The following SMG6 variants were observed in gnomAD, a reference collection of about 807,000 sequenced individuals.
The protein encoded by SMG6 is telomerase-binding protein EST1A.
A neutral mutation model predicts 142.2 loss-of-function variants in SMG6; 66 were observed. The ratio of observed to expected loss-of-function variants is 0.46; its 90% confidence interval spans 0.38 to 0.57. The LOEUF is 0.57. SMG6 is among the 20% of genes least tolerant of loss of function. The pLI is 0.00. For missense variants in SMG6, 1,793 were observed against 1,832.0 expected, an observed-to-expected ratio of 0.98 and a Z score of 0.39; for synonymous variants, 779 against 702.4, an observed-to-expected ratio of 1.11 and a Z score of -1.72.
At position 2,065,588 on chromosome 17, in the gene SMG6, C is replaced by G. The variant is rs1430341362; in HGVS notation, c.3927G>C (p.Lys1309Asn). 3 of 1,614,022 alleles carry G rather than the reference C, an allele frequency of 1.9e-6. No homozygotes were observed. In the African/African-American group the frequency reaches 4.0e-5, roughly 22 times the overall value. The change falls in exon 17 of 19, where the codon AAG becomes AAC. Residue 1309 changes from lysine (K) to asparagine (N), a missense_variant. Transcript: ENST00000263073. ...ATCGCTGCTCGAGGAACTCGATGGA[C>G]TTGCGGGCCTTCTCTTGTACCACAC... ...YARVVQEKAR[K>N]SIEFLEQRFE...
At chr17:2,255,746 G>T (rs942774767) in intron 8 of SMG6, 11 of 197,506 alleles carry the variant, frequency 5.6e-5, no homozygotes, top group Non-Finnish European at 1.1e-4. Flanking sequence ...TAGAAAGGGG[G>T]GAAAGGTGGG....
intron 13 of SMG6, chr17:2,087,441 AG>A: frequency 8.8e-7 from 1 of 1,133,902 alleles, no homozygotes; most frequent in African/African-American, 1.6e-5. Context: ...TACACGGTCT[AG>A]GAGTGTTCTC....
At chr17:2,124,500 CAG>C (rs1447143728) in intron 13 of SMG6, among the ~76,000 whole-genome samples, 2 of 152,150 alleles carry the variant, frequency 1.3e-5, no homozygotes, top group Admixed American at 6.5e-5. Context: ...AGAGTCGTAA[CAG>C]AGTGTTTATA....
chr17:2,126,489 G>T (rs1362491666), intron 13 of SMG6, among the ~76,000 whole-genome samples: 1 of 152,094 alleles, frequency 6.6e-6, no homozygotes, highest in Non-Finnish European at 1.5e-5. Flanking sequence ...ACTTTGGGAG[G>T]CTGAGGCAGG....
Position 2,085,865 on chromosome 17 carries a change from T to C in SMG6, c.3394A>G (p.Lys1132Glu). ...AADCKRVTVL[K>E]YFLEALCGQE... ...CCACAAAGGGCTTCCAGAAAATACT[T>C]CAGCACTGTGACCCTTTTGCAGTCA... is the stretch of plus-strand genomic sequence containing the variant. The change falls in exon 14 of 19, where the codon AAG (lysine) becomes GAG (glutamate). Residue 1132 changes from lysine (K) to glutamate (E), a missense_variant. Around this residue, in one of 3 missense-constraint regions of SMG6, gnomAD observed 1,597 missense variants for 1,584.6 expected, o/e 1.01. Coordinates refer to ENST00000263073, the MANE Select transcript of SMG6 (RefSeq NM_017575.5). The surrounding 1 kb of genome is among the most constrained non-coding windows in gnomAD (Gnocchi z 4.1). The C allele has an allele frequency of 6.2e-7, 1 of 1,614,134 alleles. No homozygotes were observed. Among genetic ancestry groups the C allele is most frequent in the South Asian group, 1.1e-5 (1 of 91,082 alleles).
In SMG6 at chr17:2,242,477, C is replaced by T. The variant is rs190909387; in HGVS notation, c.2723+2181G>A. On this transcript the variant is annotated intron_variant, in intron 9 of 18. Transcript: ENST00000263073. ...CCCGGGAGGCGGAGCTTGCAGTGAG[C>T]GGAGATCGCGCCACTGCACTCCAGC... Among the ~76,000 whole-genome samples the T allele has an allele frequency of 6.3e-4, 95 of 150,046 alleles. 6 individuals carry two copies. Among genetic ancestry groups the T allele is most frequent in the African/African-American group, 2.2e-3 (88 of 40,066 alleles).
At chr17:2,220,433 C>T (rs2151766067) in intron 10 of SMG6, among the ~76,000 whole-genome samples, 1 of 152,300 alleles carries the variant, frequency 6.6e-6, no homozygotes, top group Non-Finnish European at 1.5e-5. Context: ...GAGTTTGAGA[C>T]TAGCTTGGGC....
intron 10 of SMG6, among the ~76,000 whole-genome samples, chr17:2,223,124 C>G (rs982998290): frequency 5.9e-5 from 9 of 152,224 alleles, no homozygotes; most frequent in African/African-American, 2.2e-4. Flanking sequence ...AAAGCTGACA[C>G]AGCCTAAAGC....
At chr17:2,146,458 T>C (rs538579071) in intron 13 of SMG6, among the ~76,000 whole-genome samples, 1 of 152,370 alleles carries the variant, frequency 6.6e-6, no homozygotes, top group African/African-American at 2.4e-5. Flanking sequence ...ATACAGCCTT[T>C]GGTCTAAGAC....
intron 18 of SMG6, chr17:2,063,331 C>CG (rs977133159): frequency 2.0e-5 from 3 of 152,244 alleles, no homozygotes; most frequent in African/African-American, 7.2e-5. Flanking sequence ...AATTCAACAT[C>CG]GTTTACACAT....
At chr17:2,295,448 G>A (rs1484836771) in intron 4 of SMG6, among the ~76,000 whole-genome samples, 2 of 152,180 alleles carry the variant, frequency 1.3e-5, no homozygotes, top group African/African-American at 2.4e-5. Context: ...ATGCTTAAAA[G>A]AATGGTCTAT....
intron 10 of SMG6, among the ~76,000 whole-genome samples, chr17:2,221,288 C>G (rs1193109977): frequency 6.6e-6 from 1 of 152,118 alleles, no homozygotes; most frequent in Non-Finnish European, 1.5e-5. Context: ...CCTCCTGGTG[C>G]TATCTCCTGA....
chr17:2,101,978 G>A (rs2069020235), intron 13 of SMG6, among the ~76,000 whole-genome samples: 1 of 152,142 alleles, frequency 6.6e-6, no homozygotes, highest in South Asian at 2.1e-4. Context: ...AGAGAAAAAG[G>A]CAGCCTCTCA....
At chr17:2,258,353 C>T (rs1482666954) in intron 8 of SMG6, among the ~76,000 whole-genome samples, 6 of 151,896 alleles carry the variant, frequency 4.0e-5, no homozygotes, top group Admixed American at 6.6e-5. Context: ...GTCAGGAGTT[C>T]GAGACCAACC....
At chr17:2,173,604 C>G (rs1322847845) in intron 12 of SMG6, among the ~76,000 whole-genome samples, 1 of 152,118 alleles carries the variant, frequency 6.6e-6, no homozygotes, top group Non-Finnish European at 1.5e-5. Context: ...ACTGAAAGTC[C>G]CACGTCCCCA....
At chr17:2,223,524 A>G (rs2073235407) in intron 10 of SMG6, among the ~76,000 whole-genome samples, 1 of 152,216 alleles carries the variant, frequency 6.6e-6, no homozygotes, top group Non-Finnish European at 1.5e-5. Flanking sequence ...GAACAAAAGC[A>G]CAGAGAACCC....
intron 8 of SMG6, among the ~76,000 whole-genome samples, chr17:2,256,615 A>G (rs1484484790): frequency 1.3e-5 from 2 of 152,100 alleles, no homozygotes; most frequent in African/African-American, 4.8e-5. Context: ...ATAAAAATAA[A>G]ATAAAATAAA....
At chr17:2,066,148 G>A (rs2067936087) in intron 16 of SMG6, 1 of 168,220 alleles carries the variant, frequency 5.9e-6, no homozygotes, top group Admixed American at 5.5e-5. Flanking sequence ...GTGCAGGGAG[G>A]TCACCATGGA....
chr17:2,133,215 G>A (rs1276868964), intron 13 of SMG6, among the ~76,000 whole-genome samples: 1 of 152,132 alleles, frequency 6.6e-6, no homozygotes, highest in Admixed American at 6.5e-5. Context: ...CTGCACTCCA[G>A]TGTGGGTGAC....
Sources: gnomAD v4.1 joint callset for allele counts (sites outside exome capture counted in the v4.1 genomes callset) on GRCh38, gnomAD v4.1.1 for gene constraint, gnomAD v4.1.1 regional missense constraint, Gnocchi (gnomAD v3.1) non-coding constraint, MANE v1.5 for transcripts, NCBI Gene and HGNC (gene_info 2026-07-23, HGNC 2026-07-21) for gene names.